PPP4R3B: variants seen among roughly 807,000 people sequenced by gnomAD.
PPP4R3B encodes protein phosphatase 4 regulatory subunit 3B, also known as serine/threonine-protein phosphatase 4 regulatory subunit 3B.
A neutral mutation model predicts 95.4 loss-of-function variants in PPP4R3B; 52 were observed. The observed-to-expected ratio is 0.54, with a 90% CI of 0.44 to 0.69. The LOEUF is 0.69. Among genes scored for constraint, PPP4R3B ranks in the 30% least tolerant of loss-of-function variants. PPP4R3B has a pLI of 0.00. For synonymous variants in PPP4R3B, 407 were observed against 343.9 expected, an observed-to-expected ratio of 1.18 and a Z score of -2.03; for missense variants, 1,003 against 1,005.9, an observed-to-expected ratio of 1.00 and a Z score of 0.04.
intron 2 of PPP4R3B, among the ~76,000 whole-genome samples, chr2:55,604,930 C>T (rs1693177148): frequency 6.6e-6 from 1 of 152,060 alleles, no homozygotes; most frequent in Non-Finnish European, 1.5e-5. Flanking sequence ...GCCTCGACCT[C>T]CTAGGCCCCA....
In PPP4R3B at chr2:55,598,475, G is replaced by C. The variant is rs1032466985; in HGVS notation, c.862C>G (p.Leu288Val). Residue 288 changes from leucine to valine, a missense_variant, in exon 4 of 17, where the codon CTT (leucine) becomes GTT (valine). By Grantham distance (32) the Leu-to-Val change is conservative. Transcript: ENST00000616407. ...PTPSVFEENF[L>V]STLTSFIFFN... The stretch of plus-strand genomic sequence containing the variant: ...AAAATAAAAGACGTAAGAGTAGAAA[G>C]AAAATTCTCTTCAAAAACAGATGGT... 2.5e-6 allele frequency: 4 copies of C among 1,614,094 alleles called. No homozygotes were observed. The highest frequency in any genetic ancestry group is 3.4e-6 in the Non-Finnish European group (4 of 1,180,014).
At chr2:55,610,675 T>G (rs1021414481) in intron 2 of PPP4R3B, among the ~76,000 whole-genome samples, 2 of 152,234 alleles carry the variant, frequency 1.3e-5, no homozygotes, top group Non-Finnish European at 2.9e-5. Flanking sequence ...TGTACCTTTG[T>G]TGCCTCATGT....
chr2:55,597,316 C>G lies in PPP4R3B; in HGVS notation c.921+1100G>C, dbSNP rs1019223699. On this transcript the variant is annotated intron_variant, in intron 4 of 16. Transcript: ENST00000616407. ...AGCCTGACCAACATGGAGAAACCCC[C>G]CTCTACTAAAAATACAAAAAATTGG... Among the ~76,000 whole-genome samples the G allele has an allele frequency of 2.0e-5, 3 of 151,890 alleles. No homozygotes were observed. The East Asian group carries it at 5.8e-4, about 29-fold the overall frequency.
intron 2 of PPP4R3B, among the ~76,000 whole-genome samples, chr2:55,611,155 C>A (rs923112514): frequency 1.3e-5 from 2 of 152,054 alleles, no homozygotes; most frequent in Non-Finnish European, 2.9e-5. Context: ...AGCCACTGTG[C>A]CTAGTATGAC....
intron 2 of PPP4R3B, among the ~76,000 whole-genome samples, chr2:55,607,096 T>C (rs1029775340): frequency 2.6e-5 from 4 of 152,182 alleles, no homozygotes; most frequent in Admixed American, 6.5e-5. Flanking sequence ...TAGGCTACAA[T>C]AATTCACAAA....
intron 2 of PPP4R3B, among the ~76,000 whole-genome samples, chr2:55,607,785 T>G (rs1317222686): frequency 6.6e-6 from 1 of 152,168 alleles, no homozygotes; most frequent in Non-Finnish European, 1.5e-5. Context: ...AACCATGCCT[T>G]GGTCCTTCTG....
chr2:55,581,024 G>A (rs559380756), intron 8 of PPP4R3B, among the ~76,000 whole-genome samples: 125 of 152,094 alleles, frequency 8.2e-4, no homozygotes, highest in African/African-American at 2.8e-3. Context: ...AGGCTGAGGC[G>A]GGTGGATCAC....
At chr2:55,565,071 T>C (rs946766638) in intron 13 of PPP4R3B, 30 bp from the exon 14 acceptor site, 1 of 1,491,620 alleles carries the variant, frequency 6.7e-7, no homozygotes, top group African/African-American at 1.4e-5. Context: ...ACATTTAAAA[T>C]ATAATACAAT....
intron 4 of PPP4R3B, among the ~76,000 whole-genome samples, chr2:55,592,159 T>C (rs1691120269): frequency 6.6e-6 from 1 of 152,126 alleles, no homozygotes; most frequent in African/African-American, 2.4e-5. Context: ...TTTAGAAACA[T>C]ATAAACACAG....
Position 55,613,605 on chromosome 2 carries a change from T to C in PPP4R3B, c.198+1846A>G, listed in dbSNP as rs190955923. 2.4e-3 allele frequency among the ~76,000 whole-genome samples: 365 copies of C among 152,258 alleles called. 11 individuals are homozygous for C. The highest frequency in any genetic ancestry group is 0.02 in the Admixed American group (309 of 15,300). ...AGTATTCACAGAATCACTATGTATT[T>C]TTAACTTATGTTGGGTGACTATTTT... On this transcript the variant is annotated intron_variant, in intron 2 of 16. Coordinates refer to ENST00000616407, the MANE Select transcript of PPP4R3B (RefSeq NM_001122964.3).
intron 1 of PPP4R3B, among the ~76,000 whole-genome samples, chr2:55,616,942 G>A (rs1383944670): frequency 6.6e-6 from 1 of 152,128 alleles, no homozygotes; most frequent in Non-Finnish European, 1.5e-5. Flanking sequence ...TAAGAGAGAT[G>A]GGAGAAGGAC....
chr2:55,602,311 G>A (rs1039532216), intron 3 of PPP4R3B, among the ~76,000 whole-genome samples: 5 of 152,214 alleles, frequency 3.3e-5, no homozygotes, highest in African/African-American at 4.8e-5. Flanking sequence ...TCATTTTGGT[G>A]TAAGAGAGTC....
chr2:55,589,912 T>C (rs544572636), intron 4 of PPP4R3B, among the ~76,000 whole-genome samples: 56 of 117,454 alleles, frequency 4.8e-4, no homozygotes, highest in African/African-American at 2.2e-3. Flanking sequence ...CGAGACTCCA[T>C]CTCAAAAAAA....
At position 55,558,437 on chromosome 2, in the gene PPP4R3B, G is replaced by A. The variant is rs557351094; in HGVS notation, c.2454+338C>T. 7.4e-4 allele frequency among the ~76,000 whole-genome samples: 113 copies of A among 152,062 alleles called. No homozygotes were observed. The Middle Eastern group carries it at 0.01, about 14-fold the overall frequency. ...ATCCTGGCCAACATGGTGAAACCTC[G>A]TCTCTACTAAAAATACAAAAATTAG... On this transcript the variant is annotated intron_variant, in intron 16 of 16. Coordinates refer to ENST00000616407, the MANE Select transcript of PPP4R3B (RefSeq NM_001122964.3).
At chr2:55,550,208 T>C (rs190444596) in intron 16 of PPP4R3B, among the ~76,000 whole-genome samples, 28 of 152,302 alleles carry the variant, frequency 1.8e-4, no homozygotes, top group Admixed American at 1.6e-3. Flanking sequence ...CCCTTAACTT[T>C]TCTATCTGGT....
chr2:55,564,756 G>C (rs551943350), intron 14 of PPP4R3B, 146 bp downstream of exon 14: 4 of 878,764 alleles, frequency 4.6e-6, no homozygotes, highest in African/African-American at 3.4e-5. Flanking sequence ...TATGGGGTAG[G>C]GGGGACGCCT....
At chr2:55,584,940 T>C in intron 7 of PPP4R3B, 111 bp downstream of exon 7, 1 of 845,364 alleles carries the variant, frequency 1.2e-6, no homozygotes, top group Non-Finnish European at 1.8e-6. Flanking sequence ...AGAAATCTAT[T>C]ATTTTGCTCC....
At chr2:55,604,181 C>T (rs1049711612) in intron 2 of PPP4R3B, 105 bp from the exon 3 acceptor site, 3 of 711,818 alleles carry the variant, frequency 4.2e-6, no homozygotes, top group African/African-American at 3.6e-5. Flanking sequence ...ATGACAAATG[C>T]CCCGATATGA....
At chr2:55,607,299 C>T (rs1693555064) in intron 2 of PPP4R3B, among the ~76,000 whole-genome samples, 1 of 152,184 alleles carries the variant, frequency 6.6e-6, no homozygotes, top group Non-Finnish European at 1.5e-5. Context: ...GAGACACTGT[C>T]AGATACCACA....
Sources: gnomAD v4.1 joint callset for allele counts (sites outside exome capture counted in the v4.1 genomes callset) on GRCh38, gnomAD v4.1.1 for gene constraint, MANE v1.5 for transcripts, NCBI Gene and HGNC (gene_info 2026-07-23, HGNC 2026-07-21) for gene names.